MTX2: variants seen among roughly 807,000 people sequenced by gnomAD.
MTX2 encodes metaxin 2, also known as metaxin-2.
Under a neutral mutation model 42.3 loss-of-function variants are expected in MTX2, and 35 were observed. The observed-to-expected ratio is 0.83, with a 90% CI of 0.63 to 1.10. The LOEUF (loss-of-function observed/expected upper bound fraction) is 1.10. Among genes scored for constraint, MTX2 ranks in the 50% least tolerant of loss-of-function variants. MTX2 has a pLI of 0.00. For missense variants in MTX2, 307 were observed against 304.1 expected (o/e 1.01, Z -0.07); for synonymous variants, 119 against 100.9 (o/e 1.18, Z -1.08).
At chr2:176,286,311 AATC>A (rs1385674979) in intron 1 of MTX2, among the ~76,000 whole-genome samples, 2 of 152,208 alleles carry the variant, frequency 1.3e-5, no homozygotes, top group Non-Finnish European at 2.9e-5. Flanking sequence ...TCGTTATCAT[AATC>A]ATCATCTGCC....
At chr2:176,283,544 A>G (rs909913485) in intron 1 of MTX2, among the ~76,000 whole-genome samples, 1 of 152,180 alleles carries the variant, frequency 6.6e-6, no homozygotes, top group Admixed American at 6.5e-5. Context: ...TGTGGGGGAT[A>G]ATTTGTTCTA....
At chr2:176,328,153 A>T in intron 5 of MTX2, 140 bp from the exon 6 acceptor site, 2 of 427,218 alleles carry the variant, frequency 4.7e-6, no homozygotes, top group East Asian at 3.7e-5. Flanking sequence ...TTATGCTTTT[A>T]TATAAAATAA....
intron 3 of MTX2, among the ~76,000 whole-genome samples, chr2:176,305,766 G>A (rs1011447451): frequency 6.6e-6 from 1 of 152,098 alleles, no homozygotes; most frequent in African/African-American, 2.4e-5. Flanking sequence ...GTTTCTAGGT[G>A]AGAGTTTCAT....
intron 3 of MTX2, among the ~76,000 whole-genome samples, chr2:176,300,059 A>G (rs1203640201): frequency 6.6e-6 from 1 of 152,022 alleles, no homozygotes; most frequent in African/African-American, 2.4e-5. Context: ...ATACTGAAGT[A>G]TTAGTATAGC....
chr2:176,323,355 T>C (rs779459144), intron 3 of MTX2, 37 bp from the exon 4 acceptor site: 1 of 1,557,100 alleles, frequency 6.4e-7, no homozygotes, highest in Non-Finnish European at 8.8e-7. Context: ...ATGCATATGC[T>C]TTTTACTGGG....
rs566319805 is a variant in MTX2, at chr2:176,298,122, T to A, written c.135+227T>A. 3.9e-5 allele frequency among the ~76,000 whole-genome samples: 6 copies of A among 152,132 alleles called. No individual in the cohort carries two copies. The South Asian group carries it at 6.2e-4, about 16-fold the overall frequency. ...TATATAAAATAAACATAAATTTTTT[T>A]TTTTTTTAGAAATCACTTTTATGTG... On this transcript the variant is annotated intron_variant, in intron 3 of 9. Coordinates refer to ENST00000249442, the MANE Select transcript of MTX2 (RefSeq NM_006554.5).
chr2:176,309,280 T>C (rs1684233068), intron 3 of MTX2, among the ~76,000 whole-genome samples: 1 of 152,210 alleles, frequency 6.6e-6, no homozygotes, highest in African/African-American at 2.4e-5. Flanking sequence ...TTTCAGTTCT[T>C]TTACATTTGC....
chr2:176,280,151 G>T (rs1693044078), intron 1 of MTX2, among the ~76,000 whole-genome samples: 1 of 152,178 alleles, frequency 6.6e-6, no homozygotes, highest in African/African-American at 2.4e-5. Context: ...AAATCCTGGG[G>T]ACTAGAGGCC....
chr2:176,328,932 T>C lies in MTX2; in HGVS notation c.417+20T>C, dbSNP rs1558944584. 6 of 1,588,364 alleles carry C rather than the reference T, an allele frequency of 3.8e-6. No homozygotes were observed. The highest frequency in any genetic ancestry group is 4.3e-6 in the Non-Finnish European group (5 of 1,159,610). ...GGGGAGGTGAGTGGTTCTGTAACAT[T>C]TATCTTAATTAAAATTTAATGAGAA... On this transcript the variant is annotated intron_variant, in intron 7 of 9. Coordinates refer to ENST00000249442, the MANE Select transcript of MTX2 (RefSeq NM_006554.5).
intron 3 of MTX2, among the ~76,000 whole-genome samples, chr2:176,320,417 A>AT (rs1684554526): frequency 6.6e-6 from 1 of 152,180 alleles, no homozygotes; most frequent in African/African-American, 2.4e-5. Flanking sequence ...ACAGTTGAAT[A>AT]TTATTCAGGC....
chr2:176,312,863 C>CAAAAAAA (rs557475003), intron 3 of MTX2, among the ~76,000 whole-genome samples: 4 of 55,988 alleles, frequency 7.1e-5, no homozygotes, highest in Non-Finnish European at 1.6e-4. Context: ...AATGCCATCT[C>CAAAAAAA]AAAAAAAAAA....
At position 176,329,382 on chromosome 2, in the gene MTX2, C is replaced by T. The variant is rs200408701; in HGVS notation, c.499C>T (p.Arg167Cys). The T allele has an allele frequency of 4.2e-5, 68 of 1,607,470 alleles. No individual in the cohort carries two copies. The highest frequency in any genetic ancestry group is 3.1e-4 in the East Asian group (14 of 44,608). The stretch of plus-strand genomic sequence containing the variant: ...CTATCAAAAACAGTGGGAAGTCAAA[C>T]GTAAGATGAAAGCTATTGGATGGGG... The part of the protein sequence containing the change: ...LAYQKQWEVK[R>C]KMKAIGWGKK... The change falls in exon 8 of 10, where the codon CGT becomes TGT. Residue 167 changes from arginine to cysteine, a missense_variant. Arg to Cys is a radical substitution (Grantham distance 180). Transcript: ENST00000249442.
chr2:176,284,905 G>A (rs1693159702), intron 1 of MTX2, among the ~76,000 whole-genome samples: 1 of 152,196 alleles, frequency 6.6e-6, no homozygotes, highest in Non-Finnish European at 1.5e-5. Flanking sequence ...TGTTAAAGGT[G>A]CAGATTTTTG....
intron 3 of MTX2, among the ~76,000 whole-genome samples, chr2:176,309,115 G>T (rs549622441): frequency 2.1e-4 from 32 of 152,274 alleles, no homozygotes; most frequent in African/African-American, 7.7e-4. Flanking sequence ...TGGTTTCAAA[G>T]AACATCTTTA....
intron 7 of MTX2, 88 bp downstream of exon 7, chr2:176,329,000 A>T: frequency 8.1e-7 from 1 of 1,234,472 alleles, no homozygotes; most frequent in East Asian, 2.4e-5. Flanking sequence ...CATAAATGAA[A>T]CATTGTGGTT....
In MTX2 at chr2:176,330,571, TTGCC is replaced by T. The variant is rs759347208; in HGVS notation, c.544-10_544-7del. 1 of 1,525,692 alleles carries T rather than the reference TTGCC, an allele frequency of 6.6e-7. No homozygotes were observed. Among genetic ancestry groups the T allele is most frequent in the Admixed American group, 1.9e-5 (1 of 53,430 alleles). 94.5% of individuals were successfully genotyped at this position (1,525,692 alleles called of 1,614,324 possible). On this transcript the variant is annotated splice_polypyrimidine_tract_variant and intron_variant, in intron 8 of 9. Coordinates refer to ENST00000249442, the MANE Select transcript of MTX2 (RefSeq NM_006554.5). ...TTGAAATACTTTTCCTTGGGGTTCATTGCCTGTGTTAGGTCTTAGAGGATGTAGA... is the reference window on the plus strand; with the variant it reads ...TTGAAATACTTTTCCTTGGGGTTCATTGTGTTAGGTCTTAGAGGATGTAGA...
rs1429670778 is a variant in MTX2 at position 176,282,876 on chromosome 2, G to A, written c.40+13207G>A. On this transcript the variant is annotated intron_variant, in intron 1 of 9. Coordinates refer to ENST00000249442, the MANE Select transcript of MTX2 (RefSeq NM_006554.5). ...GCACCACCACACCTGGCTAATTTTTGTATTTTTGATAGAGACAGGGTTTCA... is the reference window on the plus strand; with the variant it reads ...GCACCACCACACCTGGCTAATTTTTATATTTTTGATAGAGACAGGGTTTCA... 7.9e-5 allele frequency among the ~76,000 whole-genome samples: 12 copies of A among 151,830 alleles called. No individual in the cohort carries two copies. In the East Asian group the frequency reaches 2.3e-3, roughly 29 times the overall value.
chr2:176,287,572 A>G (rs1180366802), intron 1 of MTX2, among the ~76,000 whole-genome samples: 1 of 152,206 alleles, frequency 6.6e-6, no homozygotes, highest in Non-Finnish European at 1.5e-5. Context: ...ATTTTGGATA[A>G]GGGATACTCA....
chr2:176,290,553 C>G (rs1693303747), intron 1 of MTX2, among the ~76,000 whole-genome samples: 1 of 152,018 alleles, frequency 6.6e-6, no homozygotes, highest in African/African-American at 2.4e-5. Flanking sequence ...AAGAAGTTGT[C>G]CTTTTGGATT....
Sources: allele counts gnomAD v4.1 joint callset (sites outside exome capture counted in the v4.1 genomes callset), GRCh38; gene constraint gnomAD v4.1.1; transcripts MANE v1.5; gene names NCBI Gene and HGNC (gene_info 2026-07-23, HGNC 2026-07-21).